The following GATA4 variants were observed in gnomAD, a reference collection of about 807,000 sequenced individuals.
GATA4 encodes the protein transcription factor GATA-4.
GATA4 carries 7 observed loss-of-function variants against 37.9 expected under a neutral mutation model. That is an observed-to-expected ratio of 0.18 (90% CI 0.11 to 0.35). The LOEUF is 0.35. Ranked by LOEUF, GATA4 falls within the 10% of genes least tolerant of loss-of-function variation. The pLI, the probability that GATA4 is intolerant of heterozygous loss-of-function variation, is 1.00. For synonymous variants in GATA4, 372 were observed against 292.6 expected, an observed-to-expected ratio of 1.27 and a Z score of -2.77; for missense variants, 647 against 653.0, an observed-to-expected ratio of 0.99 and a Z score of 0.10.
At chr8:11,689,378 C>A (rs1255485313), upstream of GATA4, among the ~76,000 whole-genome samples, 1 of 152,154 alleles carries the variant, frequency 6.6e-6, no homozygotes, top group Admixed American at 6.5e-5. Context: ...GTGTATATCA[C>A]TGATGATTAC....
At chr8:11,703,279 A>G (rs920864543), upstream of GATA4, among the ~76,000 whole-genome samples, 12 of 152,018 alleles carry the variant, frequency 7.9e-5, no homozygotes, top group African/African-American at 2.9e-4. Context: ...ACGCGGTAAT[A>G]GGGCCCTGTG....
intron 2 of GATA4, among the ~76,000 whole-genome samples, chr8:11,719,493 T>A (rs1245409143): frequency 2.6e-5 from 4 of 152,218 alleles, no homozygotes; most frequent in Admixed American, 1.3e-4. Context: ...GTAGTAATTT[T>A]TTTTCAAGTA....
At chr8:11,688,339 A>G (rs151029830), upstream of GATA4, among the ~76,000 whole-genome samples, 2 of 152,244 alleles carry the variant, frequency 1.3e-5, no homozygotes, top group Non-Finnish European at 2.9e-5. Flanking sequence ...ACAGAGCTCT[A>G]TATTTGACCT....
chr8:11,708,941 G>T lies in GATA4; in HGVS notation c.616+13G>T, dbSNP rs1800034050. On this transcript the variant is annotated intron_variant, in intron 2 of 6. Coordinates refer to ENST00000532059, the MANE Select transcript of GATA4 (RefSeq NM_001308093.3). This position sits in a 1 kb window ranked among gnomAD's most constrained non-coding sequence, Gnocchi z 6.7. ...CACCCCAATCTCGGTGAGTAGGAGC[G>T]CGAGGGCTGGGGCGCGTGAGGGCCG... 1.3e-6 allele frequency: 2 copies of T among 1,523,016 alleles called. No individual in the cohort carries two copies. The highest frequency in any genetic ancestry group is 2.4e-5 in the South Asian group (2 of 83,236). The allele number at this position is 1,523,016 out of a possible 1,614,324, so 94.3% of individuals were successfully genotyped here. A position where few individuals can be genotyped will look rare whatever the true frequency, so the allele number is the denominator to read the frequency against.
intron 2 of GATA4, among the ~76,000 whole-genome samples, chr8:11,736,244 AAC>A (rs1801447237): frequency 6.6e-6 from 1 of 152,220 alleles, no homozygotes; most frequent in Admixed American, 6.5e-5. Context: ...GCGTAATTTA[AAC>A]ACAAATTGAA....
intron 2 of GATA4, among the ~76,000 whole-genome samples, chr8:11,715,689 C>T (rs1209636235): frequency 1.3e-5 from 2 of 151,124 alleles, no homozygotes; most frequent in African/African-American, 2.4e-5. Context: ...TGCAGTGAGC[C>T]GAGATCACAC....
intron 1 of GATA4, among the ~76,000 whole-genome samples, chr8:11,682,125 G>A (rs987780656): frequency 6.6e-6 from 1 of 152,052 alleles, no homozygotes; most frequent in Non-Finnish European, 1.5e-5. Flanking sequence ...TCTAACTAAT[G>A]GCACATTTTA....
chr8:11,750,770 TAAAA>T lies in GATA4; in HGVS notation c.912+557_912+560del, dbSNP rs1195090785. 1.6e-3 allele frequency among the ~76,000 whole-genome samples: 143 copies of T among 88,792 alleles called. 1 individual carries two copies. The highest frequency in any genetic ancestry group is 5.7e-3 in the Middle Eastern group (1 of 174). The allele number at this position is 88,792 out of a possible 152,430, so 58.3% of individuals were successfully genotyped here. ...CAACATGGTGAAACTTTGTCTCTAC[TAAAA>T]AAAAAAAAAAAAAAAAAAAAAATCT... is the stretch of plus-strand genomic sequence containing the variant. On this transcript the variant is annotated intron_variant, in intron 4 of 6. Coordinates refer to ENST00000532059, the MANE Select transcript of GATA4 (RefSeq NM_001308093.3).
chr8:11,697,841 G>A, intron 1 of GATA4: 7 of 985,478 alleles, frequency 7.1e-6, no homozygotes, highest in Non-Finnish European at 8.4e-6. Flanking sequence ...GGCCACCACG[G>A]GGCGGAGGAG....
At chr8:11,743,057 T>C (rs1037829804) in intron 2 of GATA4, among the ~76,000 whole-genome samples, 2 of 152,238 alleles carry the variant, frequency 1.3e-5, no homozygotes, top group East Asian at 1.9e-4. Context: ...ACTGCCCAGC[T>C]GCCCCGGGCA....
intron 2 of GATA4, among the ~76,000 whole-genome samples, chr8:11,741,123 G>A (rs1801717154): frequency 6.6e-6 from 1 of 152,310 alleles, no homozygotes; most frequent in Non-Finnish European, 1.5e-5. Context: ...TGCATGTTTA[G>A]TGTCGAGATG....
chr8:11,683,319 G>C (rs1358500917), intron 1 of GATA4, among the ~76,000 whole-genome samples: 2 of 152,198 alleles, frequency 1.3e-5, no homozygotes, highest in East Asian at 1.9e-4. Context: ...AGAGAGTTTT[G>C]TGCTAAATCA....
chr8:11,704,969 G>A (rs1180434776), intron 1 of GATA4, among the ~76,000 whole-genome samples: 1 of 152,244 alleles, frequency 6.6e-6, no homozygotes, highest in Non-Finnish European at 1.5e-5. Flanking sequence ...GCCCGAGCCC[G>A]GACCGGAGCC....
chr8:11,692,153 A>G (rs755129196), upstream of GATA4: 157 of 494,438 alleles, frequency 3.2e-4, no homozygotes, highest in Non-Finnish European at 3.8e-4. Context: ...CTCAGGTAAC[A>G]GCCCAGCAGC....
chr8:11,693,816 A>G lies in GATA4; in HGVS notation c.-729+1156A>G, dbSNP rs553751783. Among the ~76,000 whole-genome samples the G allele has an allele frequency of 2.6e-5, 4 of 152,258 alleles. No individual in the cohort carries two copies. In the East Asian group the frequency reaches 7.7e-4, roughly 29 times the overall value. ...AGTGTTTGGCATCGAATGTGTGAAA[A>G]GGGCCAAGTCATAGGTTATGGGTGT... On this transcript the variant is annotated intron_variant, in intron 1 of 2. Transcript: ENST00000526974.
intron 1 of GATA4, among the ~76,000 whole-genome samples, chr8:11,679,121 C>G (rs1370602340): frequency 6.7e-6 from 1 of 150,036 alleles, no homozygotes; most frequent in Admixed American, 6.7e-5. Context: ...AGCCATCAAT[C>G]TCCAATTGTC....
chr8:11,715,564 A>G (rs1800401162), intron 2 of GATA4, among the ~76,000 whole-genome samples: 1 of 152,100 alleles, frequency 6.6e-6, no homozygotes, highest in African/African-American at 2.4e-5. Flanking sequence ...AATGTGGTGA[A>G]ACCCTGTCTC....
intron 2 of GATA4, among the ~76,000 whole-genome samples, chr8:11,743,687 C>CAGAGG (rs1424804201): frequency 1.3e-5 from 2 of 152,198 alleles, no homozygotes; most frequent in African/African-American, 4.8e-5. Flanking sequence ...TGGAGCAGGT[C>CAGAGG]AGAGGAGAGG....
chr8:11,708,496 G>A lies in GATA4; in HGVS notation c.184G>A (p.Ala62Thr). Residue 62 changes from alanine (A) to threonine (T), a missense_variant, in exon 2 of 7, where the codon GCG becomes ACG. Around this residue, in one of 5 missense-constraint regions of GATA4, gnomAD observed 379 missense variants for 334.5 expected, o/e 1.13. Transcript: ENST00000532059. The surrounding 1 kb of genome is among the most constrained non-coding windows in gnomAD (Gnocchi z 6.7). Reference sequence around the variant, plus strand: ...CCTCCAGGGCGGAGGCGCGGGCTCTGCGTCCGGAGGCGCCTCGGGCGGCAG... The same window carrying A: ...CCTCCAGGGCGGAGGCGCGGGCTCTACGTCCGGAGGCGCCTCGGGCGGCAG... ...SYLQGGGAGS[A>T]SGGASGGSSG... is the part of the protein sequence containing the mutation. 1 of 1,482,536 alleles carries A rather than the reference G, an allele frequency of 6.7e-7. No homozygotes were observed. The highest frequency in any genetic ancestry group is 8.9e-7 in the Non-Finnish European group (1 of 1,123,836). 91.8% of individuals were successfully genotyped at this position (1,482,536 alleles called of 1,614,324 possible). A position where few individuals can be genotyped will look rare whatever the true frequency, so the allele number is the denominator to read the frequency against.
Sources: gnomAD v4.1 joint callset for allele counts (sites outside exome capture counted in the v4.1 genomes callset) on GRCh38, gnomAD v4.1.1 for gene constraint, gnomAD v4.1.1 regional missense constraint, Gnocchi (gnomAD v3.1) non-coding constraint, MANE v1.5 for transcripts, NCBI Gene and HGNC (gene_info 2026-07-23, HGNC 2026-07-21) for gene names.